DCDC1: variants seen among roughly 807,000 people sequenced by gnomAD.
The protein encoded by DCDC1 is doublecortin domain containing 1.
Under a neutral mutation model 178.3 loss-of-function variants are expected in DCDC1, and 200 were observed. The observed-to-expected ratio is 1.12, with a 90% CI of 1.00 to 1.26. The LOEUF (loss-of-function observed/expected upper bound fraction) is 1.26, where lower values mean the gene tolerates loss of function less well. Among genes scored for constraint, DCDC1 ranks in the 50% most tolerant of loss-of-function variants. The pLI, the probability that DCDC1 is intolerant of heterozygous loss-of-function variation, is 0.00. For missense variants in DCDC1, 1,983 were observed against 1,749.2 expected (o/e 1.13, Z -2.38); for synonymous variants, 690 against 604.8 (o/e 1.14, Z -2.07).
intron 9 of DCDC1, among the ~76,000 whole-genome samples, chr11:31,215,788 TC>T (rs1973472460): frequency 6.8e-6 from 1 of 148,078 alleles, no homozygotes; most frequent in Non-Finnish European, 1.5e-5. Context: ...CAAGACTCCA[TC>T]TAAAAAAAAA....
In DCDC1 at chr11:31,353,392, T is replaced by C. The variant is rs1179996396; in HGVS notation, c.-125+16305A>G. Among the ~76,000 whole-genome samples the C allele has an allele frequency of 4.6e-5, 7 of 152,244 alleles. 1 individual carries two copies. The highest frequency in any genetic ancestry group is 4.6e-4 in the Admixed American group (7 of 15,286). On this transcript the variant is annotated intron_variant, in intron 1 of 38. Transcript: ENST00000684477. Reference sequence around the variant, plus strand: ...AAATATTCAAAAAGTGAAATGTCCATTTTACTTGATAAATTATCTGTTAAT... The same window carrying C: ...AAATATTCAAAAAGTGAAATGTCCACTTTACTTGATAAATTATCTGTTAAT...
chr11:31,235,169 G>T (rs939656564), intron 9 of DCDC1, among the ~76,000 whole-genome samples: 1 of 151,886 alleles, frequency 6.6e-6, no homozygotes, highest in Non-Finnish European at 1.5e-5. Context: ...GGATGTCTGA[G>T]AATAAATTTT....
chr11:31,036,062 A>G (rs1954005348), intron 20 of DCDC1, among the ~76,000 whole-genome samples: 1 of 152,084 alleles, frequency 6.6e-6, no homozygotes, highest in African/African-American at 2.4e-5. Flanking sequence ...AGCAATTCCT[A>G]GCTTTTTGGG....
intron 7 of DCDC1, among the ~76,000 whole-genome samples, chr11:31,268,382 C>T (rs781121463): frequency 2.6e-5 from 4 of 152,088 alleles, no homozygotes; most frequent in Non-Finnish European, 4.4e-5. Context: ...CCTTCCCTCC[C>T]GCTGTAGGAG....
At chr11:31,155,989 C>T (rs1965684316) in intron 9 of DCDC1, 1 of 152,180 alleles carries the variant, frequency 6.6e-6, no homozygotes, top group Non-Finnish European at 1.5e-5. Context: ...GAATCTAAAA[C>T]ATTTCCAGTA....
intron 20 of DCDC1, among the ~76,000 whole-genome samples, chr11:30,998,178 G>A (rs1158809381): frequency 1.3e-5 from 2 of 152,066 alleles, no homozygotes; most frequent in African/African-American, 4.8e-5. Context: ...TGTAGTCCTA[G>A]CTACTCAGGG....
chr11:31,339,708 A>G (rs1950448654), intron 1 of DCDC1, among the ~76,000 whole-genome samples: 1 of 152,232 alleles, frequency 6.6e-6, no homozygotes, highest in African/African-American at 2.4e-5. Context: ...TCAGATGCCA[A>G]GAACACATTT....
rs547948857 is a variant in DCDC1, at chr11:31,207,099, C to T, written c.1221+34351G>A. 1.2e-4 allele frequency among the ~76,000 whole-genome samples: 18 copies of T among 152,146 alleles called. No individual in the cohort carries two copies. The South Asian group carries it at 2.5e-3, about 21-fold the overall frequency. On this transcript the variant is annotated intron_variant, in intron 9 of 38. Coordinates refer to ENST00000684477, the MANE Select transcript of DCDC1 (RefSeq NM_001387274.1). ...AAGCCAGTATAGTATGACATACCTT[C>T]GGAAATTACTTAACCCTTATGTACC...
chr11:31,147,521 T>A (rs2136071860), intron 9 of DCDC1, among the ~76,000 whole-genome samples: 1 of 152,318 alleles, frequency 6.6e-6, no homozygotes, highest in African/African-American at 2.4e-5. Flanking sequence ...AAAAGCACAC[T>A]GATAATTTAA....
At chr11:31,206,810 T>A (rs1257060975) in intron 9 of DCDC1, among the ~76,000 whole-genome samples, 8 of 152,172 alleles carry the variant, frequency 5.3e-5, no homozygotes, top group African/African-American at 1.9e-4. Flanking sequence ...TCTAACTTAT[T>A]AAAATTTAAC....
intron 9 of DCDC1, among the ~76,000 whole-genome samples, chr11:31,239,154 CTTTAA>C (rs1976808631): frequency 6.6e-6 from 1 of 151,958 alleles, no homozygotes; most frequent in Non-Finnish European, 1.5e-5. Context: ...GATTTATAAA[CTTTAA>C]TTTGTTAAGG....
intron 16 of DCDC1, 86 bp from the exon 17 acceptor site, chr11:31,091,597 A>G (rs527678575): frequency 1.8e-5 from 12 of 674,430 alleles, no homozygotes; most frequent in Non-Finnish European, 3.2e-5. Context: ...TAGTGAGGTC[A>G]TTATGCCTGG....
intron 1 of DCDC1, among the ~76,000 whole-genome samples, chr11:31,354,151 T>C (rs1365431353): frequency 6.6e-6 from 1 of 152,098 alleles, no homozygotes; most frequent in African/African-American, 2.4e-5. Context: ...CCGGGTGTGG[T>C]GGCATGTGCC....
At chr11:31,174,396 T>C (rs2136239813) in intron 9 of DCDC1, among the ~76,000 whole-genome samples, 1 of 152,252 alleles carries the variant, frequency 6.6e-6, no homozygotes, top group East Asian at 1.9e-4. Flanking sequence ...CCTCTGGACT[T>C]TGGGCACCAA....
chr11:31,052,225 T>A (rs762850865), intron 20 of DCDC1, among the ~76,000 whole-genome samples: 1 of 152,174 alleles, frequency 6.6e-6, no homozygotes, highest in Non-Finnish European at 1.5e-5. Flanking sequence ...CAAAATAAAC[T>A]TTAAAGCAAC....
At chr11:31,054,396 T>C (rs1037511563) in intron 20 of DCDC1, among the ~76,000 whole-genome samples, 1 of 152,178 alleles carries the variant, frequency 6.6e-6, no homozygotes, top group African/African-American at 2.4e-5. Flanking sequence ...ACTGATATTG[T>C]GAAAATGACC....
At chr11:31,142,795 G>T (rs1235605412) in intron 9 of DCDC1, among the ~76,000 whole-genome samples, 1 of 151,986 alleles carries the variant, frequency 6.6e-6, no homozygotes, top group Non-Finnish European at 1.5e-5. Flanking sequence ...ACAAGATCGG[G>T]TTTCCAGGTT....
intron 32 of DCDC1, among the ~76,000 whole-genome samples, chr11:30,901,834 C>A (rs1213733726): frequency 6.6e-6 from 1 of 152,078 alleles, no homozygotes; most frequent in Non-Finnish European, 1.5e-5. Flanking sequence ...TCACATAATT[C>A]TTTCTTAAAA....
intron 34 of DCDC1, among the ~76,000 whole-genome samples, chr11:30,898,134 AACTT>A (rs962334186): frequency 1.3e-5 from 2 of 152,288 alleles, no homozygotes; most frequent in Admixed American, 1.3e-4. Flanking sequence ...GAGAAACAGA[AACTT>A]ACAGAGAACA....
Sources: gnomAD v4.1 joint callset for allele counts (sites outside exome capture counted in the v4.1 genomes callset) on GRCh38, gnomAD v4.1.1 for gene constraint, MANE v1.5 for transcripts, NCBI Gene and HGNC (gene_info 2026-07-23, HGNC 2026-07-21) for gene names.